Variants in OXCT1 observed in about 807,000 individuals in gnomAD.
The protein encoded by OXCT1 is 3-oxoacid CoA-transferase 1.
OXCT1 carries 27 observed loss-of-function variants against 69.6 expected under a neutral mutation model. The ratio of observed to expected loss-of-function variants is 0.39; its 90% CI spans 0.29 to 0.54. The LOEUF is 0.54. Ranked by LOEUF, OXCT1 falls within the 20% of genes least tolerant of loss-of-function variation. The pLI, the probability that OXCT1 is intolerant of heterozygous loss-of-function variation, is 0.72. For synonymous variants in OXCT1, 202 were observed against 217.8 expected (o/e 0.93, Z 0.64); for missense variants, 437 against 650.2 (o/e 0.67, Z 3.57).
chr5:41,774,064 C>G (rs918247639), intron 13 of OXCT1, among the ~76,000 whole-genome samples: 2 of 152,174 alleles, frequency 1.3e-5, no homozygotes, highest in Non-Finnish European at 2.9e-5. Flanking sequence ...TCACATTCAT[C>G]TGGAACTCAA....
intron 13 of OXCT1, among the ~76,000 whole-genome samples, chr5:41,777,705 G>A (rs1369279437): frequency 3.3e-5 from 5 of 152,144 alleles, no homozygotes; most frequent in Non-Finnish European, 7.3e-5. Flanking sequence ...AGATCTTTCA[G>A]GACTAAAGTT....
intron 8 of OXCT1, 31 bp downstream of exon 8, chr5:41,807,300 T>G (rs529633360): frequency 8.6e-7 from 1 of 1,158,090 alleles, no homozygotes; most frequent in South Asian, 1.2e-5. Flanking sequence ...ACTGGATCCA[T>G]GAATACTGAC....
intron 12 of OXCT1, 132 bp downstream of exon 12, chr5:41,794,545 C>T: frequency 1.3e-6 from 1 of 798,264 alleles, no homozygotes; most frequent in Non-Finnish European, 2.1e-6. Context: ...TCACACCCTG[C>T]AGCCGAACAA....
chr5:41,794,610 C>A, intron 12 of OXCT1, 67 bp downstream of exon 12: 1 of 1,417,518 alleles, frequency 7.1e-7, no homozygotes, highest in Admixed American at 1.7e-5. Flanking sequence ...GCCTTGCTAA[C>A]ACACTCAGAC....
intron 7 of OXCT1, among the ~76,000 whole-genome samples, chr5:41,827,877 C>T (rs1279268678): frequency 6.6e-6 from 1 of 152,202 alleles, no homozygotes; most frequent in Admixed American, 6.5e-5. Flanking sequence ...CTCTCCAACA[C>T]TGTTCTTCCG....
intron 14 of OXCT1, among the ~76,000 whole-genome samples, chr5:41,754,140 AAAG>A (rs1157091330): frequency 7.9e-6 from 1 of 125,944 alleles, no homozygotes; most frequent in Admixed American, 8.3e-5. Context: ...AATTTGCTGA[AAAG>A]AAGGACTACA....
chr5:41,741,706 A>T (rs979921602), intron 15 of OXCT1, among the ~76,000 whole-genome samples: 3 of 152,222 alleles, frequency 2.0e-5, no homozygotes, highest in Non-Finnish European at 4.4e-5. Flanking sequence ...TTGTCTGAAG[A>T]ATTCACAGAT....
intron 16 of OXCT1, among the ~76,000 whole-genome samples, chr5:41,733,570 A>G (rs956778919): frequency 1.3e-5 from 2 of 152,170 alleles, no homozygotes; most frequent in Non-Finnish European, 2.9e-5. Flanking sequence ...CTTTTTTACT[A>G]CAAATCATTT....
intron 15 of OXCT1, among the ~76,000 whole-genome samples, chr5:41,743,473 CTTTAG>C (rs1743298083): frequency 6.6e-6 from 1 of 152,142 alleles, no homozygotes; most frequent in African/African-American, 2.4e-5. Context: ...TGCAGAAACT[CTTTAG>C]TTTAATTAGA....
intron 16 of OXCT1, among the ~76,000 whole-genome samples, chr5:41,736,792 T>C (rs575490895): frequency 2.6e-4 from 40 of 152,340 alleles, no homozygotes; most frequent in African/African-American, 9.6e-4. Flanking sequence ...CATTCCCTTC[T>C]AGAATGTTGA....
intron 11 of OXCT1, 141 bp downstream of exon 11, chr5:41,800,881 C>T (rs2112256268): frequency 1.3e-6 from 1 of 755,146 alleles, no homozygotes; most frequent in Non-Finnish European, 2.4e-6. Context: ...TGAGGGGAGA[C>T]CTCAAAAAAG....
At chr5:41,772,541 G>A (rs1377317417) in intron 13 of OXCT1, among the ~76,000 whole-genome samples, 2 of 152,094 alleles carry the variant, frequency 1.3e-5, no homozygotes, top group African/African-American at 4.8e-5. Context: ...AAATGTACGT[G>A]CCCTATTAAG....
Position 41,762,067 on chromosome 5 carries a change from G to T in OXCT1, c.1338+44C>A. ...GTGGTACACTGGGTTTTGATGTATT[G>T]CAAATTTCCAAAAGCAGTATTTGGG... On this transcript the variant is annotated intron_variant, in intron 14 of 16. Transcript: ENST00000196371. The surrounding 1 kb of genome is among the most constrained non-coding windows in gnomAD (Gnocchi z 4.0). 2.2e-6 allele frequency: 3 copies of T among 1,338,624 alleles called. No homozygotes were observed. The highest frequency in any genetic ancestry group is 3.2e-6 in the Non-Finnish European group (3 of 928,516). 82.9% of individuals were successfully genotyped at this position (1,338,624 alleles called of 1,614,324 possible).
At chr5:41,822,904 T>C (rs1219108536) in intron 7 of OXCT1, among the ~76,000 whole-genome samples, 2 of 152,246 alleles carry the variant, frequency 1.3e-5, no homozygotes, top group African/African-American at 4.8e-5. Context: ...ACTGTGAGTC[T>C]TAATTGTTCG....
intron 3 of OXCT1, among the ~76,000 whole-genome samples, 170 bp downstream of exon 3, chr5:41,861,144 C>T (rs1172073549): frequency 1.3e-5 from 2 of 151,898 alleles, no homozygotes; most frequent in East Asian, 3.8e-4. Context: ...GTACCAAAAA[C>T]ATTTGGATAA....
At chr5:41,842,494 T>A (rs1748674262) in intron 6 of OXCT1, among the ~76,000 whole-genome samples, 181 bp downstream of exon 6, 1 of 152,174 alleles carries the variant, frequency 6.6e-6, no homozygotes. Flanking sequence ...TCGACCAGTC[T>A]AAACAGACTC....
Position 41,731,052 on chromosome 5 carries a change from A to G in OXCT1, c.*677T>C, listed in dbSNP as rs1742595664. 6.6e-6 allele frequency: 1 copy of G among 152,434 alleles called. No homozygotes were observed. The highest frequency in any genetic ancestry group is 2.4e-5 in the African/African-American group (1 of 41,458). 9.4% of individuals were successfully genotyped at this position (152,434 alleles called of 1,614,324 possible). On this transcript the variant is annotated 3_prime_UTR_variant, in exon 17 of 17. Transcript: ENST00000196371. ...ACAAAGGAATACTGGGCTGTTTTAA[A>G]ATGAGAAAACTGAGAAGAATCAGTT...
chr5:41,731,507 C>T lies in OXCT1; in HGVS notation c.*222G>A. On this transcript the variant is annotated 3_prime_UTR_variant, in exon 17 of 17. Transcript: ENST00000196371. ...TTACCTATTATAAAAACAACCTTCT[C>T]AGCCTTAACAAATGAGATAATTATA... 2 of 893,524 alleles carry T rather than the reference C, an allele frequency of 2.2e-6. No individual in the cohort carries two copies. The highest frequency in any genetic ancestry group is 3.2e-6 in the Non-Finnish European group (2 of 618,106). The allele number at this position is 893,524 out of a possible 1,614,324, so 55.3% of individuals were successfully genotyped here.
intron 7 of OXCT1, among the ~76,000 whole-genome samples, chr5:41,831,365 T>A (rs775055175): frequency 8.5e-5 from 13 of 152,186 alleles, no homozygotes; most frequent in Non-Finnish European, 1.8e-4. Context: ...TCAGAAGTCA[T>A]CTCACCGAGG....
Sources: gnomAD v4.1 joint callset for allele counts (sites outside exome capture counted in the v4.1 genomes callset) on GRCh38, gnomAD v4.1.1 for gene constraint, Gnocchi (gnomAD v3.1) non-coding constraint, MANE v1.5 for transcripts, NCBI Gene and HGNC (gene_info 2026-07-23, HGNC 2026-07-21) for gene names.